LOC128092252: variants seen among roughly 807,000 people sequenced by gnomAD.
the LOC128092252 span, among the ~76,000 whole-genome samples, chr15:50,668,586 C>A: frequency 6.6e-6 from 1 of 152,206 alleles, no homozygotes; most frequent in African/African-American, 2.4e-5. Context: ...CAGCTTACTG[C>A]TAACTCTGCC....
chr15:50,655,449 A>AC, the LOC128092252 span, among the ~76,000 whole-genome samples: 2 of 105,938 alleles, frequency 1.9e-5, no homozygotes, highest in African/African-American at 6.4e-5. Flanking sequence ...AAAAAAAAAC[A>AC]AAAAAACAAA....
the LOC128092252 span, among the ~76,000 whole-genome samples, chr15:50,673,402 C>A: frequency 2.6e-5 from 4 of 152,134 alleles, no homozygotes; most frequent in Non-Finnish European, 4.4e-5. Flanking sequence ...TATTTGTAGT[C>A]TTTTATCCCT....
the LOC128092252 span, among the ~76,000 whole-genome samples, chr15:50,664,265 G>A: frequency 7.0e-5 from 10 of 142,648 alleles, no homozygotes; most frequent in African/African-American, 7.9e-5. Context: ...AGCCGAGATC[G>A]CGCCACTGCA....
At chr15:50,659,860 G>A in the LOC128092252 span, among the ~76,000 whole-genome samples, 1 of 152,050 alleles carries the variant, frequency 6.6e-6, no homozygotes, top group Non-Finnish European at 1.5e-5. Flanking sequence ...TAGAGACGCG[G>A]TTTCACCATG....
the LOC128092252 span, among the ~76,000 whole-genome samples, chr15:50,682,207 A>AAAAATATGTC: frequency 6.9e-6 from 1 of 144,260 alleles, no homozygotes; most frequent in Non-Finnish European, 1.5e-5. Context: ...GTGACCTGGC[A>AAAAATATGTC]AAAATATGTC....
chr15:50,677,738 C>CAAAAAAAAAAA, the LOC128092252 span, among the ~76,000 whole-genome samples: 2 of 38,156 alleles, frequency 5.2e-5, no homozygotes, highest in Non-Finnish European at 1.0e-4. Flanking sequence ...GACCCCGTAT[C>CAAAAAAAAAAA]AAAAAAAAAA....
At chr15:50,680,159 G>A in the LOC128092252 span, among the ~76,000 whole-genome samples, 12,095 of 152,088 alleles carry the variant, frequency 0.08, 569 homozygotes, top group South Asian at 0.12. Flanking sequence ...ACTTGAACCC[G>A]GGAGGCAGAG....
the LOC128092252 span, among the ~76,000 whole-genome samples, chr15:50,655,012 A>T: frequency 1.3e-5 from 2 of 150,072 alleles, no homozygotes; most frequent in African/African-American, 2.4e-5. Flanking sequence ...AAAAAAAAAA[A>T]AAAAAGAAAA....
chr15:50,655,000 C>CAAAAAAAAAAAAAAAAAAAA, the LOC128092252 span, among the ~76,000 whole-genome samples: 1 of 69,448 alleles, frequency 1.4e-5, no homozygotes. Flanking sequence ...CACTCCGTCT[C>CAAAAAAAAAAAAAAAAAAAA]AAAAAAAAAA....
At chr15:50,685,001 A>G in the LOC128092252 span, among the ~76,000 whole-genome samples, 129 of 152,374 alleles carry the variant, frequency 8.5e-4, 1 homozygote, top group African/African-American at 3.0e-3. Flanking sequence ...TTGTCTTTTT[A>G]GACATAAACA....
the LOC128092252 span, among the ~76,000 whole-genome samples, chr15:50,661,192 G>A: frequency 6.6e-6 from 1 of 151,946 alleles, no homozygotes; most frequent in Non-Finnish European, 1.5e-5. Flanking sequence ...GGCCAGGCTG[G>A]TCTCGAACTC....
the LOC128092252 span, chr15:50,662,990 T>C: frequency 1.2e-6 from 2 of 1,613,504 alleles, no homozygotes; most frequent in African/African-American, 2.7e-5. Context: ...TGGAACTTGG[T>C]ATAATATATA....
At chr15:50,679,523 T>TTATATATATGTGTATATATATA in the LOC128092252 span, among the ~76,000 whole-genome samples, 1 of 44,760 alleles carries the variant, frequency 2.2e-5, no homozygotes, top group African/African-American at 1.1e-4. Context: ...TATATATATA[T>TTATATATATGTGTATATATATA]ATATATATAT....
chr15:50,664,308 CAA>C, the LOC128092252 span, among the ~76,000 whole-genome samples: 3 of 58,908 alleles, frequency 5.1e-5, no homozygotes, highest in South Asian at 6.1e-4. Context: ...GACTCCGTCT[CAA>C]AAAAAAAAAA....
At chr15:50,683,091 T>A in the LOC128092252 span, among the ~76,000 whole-genome samples, 1 of 151,826 alleles carries the variant, frequency 6.6e-6, no homozygotes, top group Non-Finnish European at 1.5e-5. Context: ...TTTCGCCATC[T>A]TTCCCAGGCT....
chr15:50,657,298 T>G, the LOC128092252 span, among the ~76,000 whole-genome samples: 32 of 152,208 alleles, frequency 2.1e-4, no homozygotes, highest in Admixed American at 7.2e-4. Context: ...CACTCCAGCC[T>G]GGGTAACAGA....
chr15:50,649,403 C>T, the LOC128092252 span, among the ~76,000 whole-genome samples: 1 of 147,796 alleles, frequency 6.8e-6, no homozygotes, highest in East Asian at 2.0e-4. Flanking sequence ...CACTGTGCTC[C>T]ATCCTGGACG....
At chr15:50,679,538 A>ATTTTTTTTTTTTT in the LOC128092252 span, among the ~76,000 whole-genome samples, 1 of 43,894 alleles carries the variant, frequency 2.3e-5, no homozygotes, top group Non-Finnish European at 3.8e-5. Flanking sequence ...ATATATATAT[A>ATTTTTTTTTTTTT]TTTTTTTTTT....
chr15:50,648,925 TTA>T, the LOC128092252 span: 1 of 1,503,186 alleles, frequency 6.7e-7, no homozygotes, highest in Non-Finnish European at 9.0e-7. Context: ...CTTCAAAAAA[TTA>T]GAGTTAATGA....
Sources: allele counts gnomAD v4.1 joint callset (sites outside exome capture counted in the v4.1 genomes callset), GRCh38; gene constraint gnomAD v4.1.1; transcripts MANE v1.5.